Variants in SYT16 observed in about 807,000 individuals in gnomAD.
The protein encoded by SYT16 is synaptotagmin-16.
A neutral mutation model predicts 61.4 loss-of-function variants in SYT16; 42 were observed. The observed-to-expected ratio is 0.68, with a 90% CI of 0.53 to 0.89. The LOEUF is 0.89. Ranked by LOEUF, SYT16 falls within the 40% of genes least tolerant of loss-of-function variation. The probability of loss-of-function intolerance (pLI) is 0.00; values close to 1 mark genes in which losing one functional copy is unlikely to be tolerated. For synonymous variants in SYT16, 314 were observed against 302.3 expected (o/e 1.04, Z -0.40); for missense variants, 804 against 807.3 (o/e 1.00, Z 0.05).
At chr14:61,980,404 G>A (rs1260404743) in intron 2 of SYT16, among the ~76,000 whole-genome samples, 3 of 152,070 alleles carry the variant, frequency 2.0e-5, no homozygotes, top group East Asian at 1.9e-4. Flanking sequence ...ATATCTCATG[G>A]CAATGCATAG....
intron 3 of SYT16, among the ~76,000 whole-genome samples, chr14:62,055,239 A>G (rs926851368): frequency 3.9e-5 from 6 of 152,214 alleles, no homozygotes; most frequent in African/African-American, 1.4e-4. Context: ...GTAGGAAAAC[A>G]ACACAACTCT....
At chr14:61,932,601 G>A (rs569098712) in intron 1 of SYT16, among the ~76,000 whole-genome samples, 21 of 152,218 alleles carry the variant, frequency 1.4e-4, no homozygotes, top group Admixed American at 1.2e-3. Context: ...ACTTCCTACC[G>A]GTTCCTTCCG....
At chr14:61,895,505 A>G (rs2048294962) in intron 1 of SYT16, among the ~76,000 whole-genome samples, 1 of 152,224 alleles carries the variant, frequency 6.6e-6, no homozygotes, top group South Asian at 2.1e-4. Flanking sequence ...AAATGAATAT[A>G]AATACTTGTC....
chr14:61,935,474 C>G (rs1483417400), intron 1 of SYT16, among the ~76,000 whole-genome samples: 4 of 152,196 alleles, frequency 2.6e-5, no homozygotes, highest in South Asian at 2.1e-4. Flanking sequence ...TGGTACTGGC[C>G]TAGCCTGGCT....
At chr14:61,983,607 T>C (rs775125937) in intron 2 of SYT16, among the ~76,000 whole-genome samples, 1 of 152,106 alleles carries the variant, frequency 6.6e-6, no homozygotes, top group Non-Finnish European at 1.5e-5. Flanking sequence ...CTCACTGTGA[T>C]CTCAACTTAT....
intron 1 of SYT16, among the ~76,000 whole-genome samples, chr14:61,851,998 A>T (rs571014620): frequency 6.6e-6 from 1 of 152,280 alleles, no homozygotes; most frequent in Non-Finnish European, 1.5e-5. Context: ...CCTGAATTCA[A>T]TGCCTATATC....
intron 2 of SYT16, among the ~76,000 whole-genome samples, chr14:61,975,166 A>C (rs1359184407): frequency 6.6e-6 from 1 of 152,250 alleles, no homozygotes; most frequent in East Asian, 1.9e-4. Context: ...AAGACAAAAA[A>C]ATCATGTGTT....
chr14:61,960,388 T>C (rs2051068114), intron 1 of SYT16, among the ~76,000 whole-genome samples: 1 of 152,216 alleles, frequency 6.6e-6, no homozygotes, highest in Non-Finnish European at 1.5e-5. Context: ...GAGCAGTGTT[T>C]TGTAGTTCTC....
intron 3 of SYT16, among the ~76,000 whole-genome samples, chr14:62,028,256 T>C (rs1292832893): frequency 1.3e-5 from 2 of 152,224 alleles, no homozygotes; most frequent in East Asian, 3.8e-4. Flanking sequence ...CTAAGTTGTA[T>C]TGGACAGTGT....
chr14:62,112,591 G>A (rs2057626150), downstream of SYT16: 1 of 152,088 alleles, frequency 6.6e-6, no homozygotes, highest in Non-Finnish European at 1.5e-5. Context: ...AAAAGATACA[G>A]TTTTGCAGCA....
At chr14:61,912,520 T>C (rs1489430953) in intron 1 of SYT16, among the ~76,000 whole-genome samples, 1 of 152,172 alleles carries the variant, frequency 6.6e-6, no homozygotes, top group Non-Finnish European at 1.5e-5. Context: ...TATTGAATAA[T>C]GAACTACATT....
At position 62,046,678 on chromosome 14, in the gene SYT16, C is replaced by T. The variant is rs186917681; in HGVS notation, c.524-22925C>T. 1.1e-3 allele frequency among the ~76,000 whole-genome samples: 164 copies of T among 152,294 alleles called. 3 individuals are homozygous for T. In the East Asian group the frequency reaches 0.03, roughly 28 times the overall value. On this transcript the variant is annotated intron_variant, in intron 3 of 7. Transcript: ENST00000683842. ...GTTTCAGCTTTCTACATATGGTTAG[C>T]CAGTTTTCCCAGCACCATTTATTAA...
At chr14:62,095,414 A>G (rs975716015) in intron 7 of SYT16, among the ~76,000 whole-genome samples, 1 of 152,040 alleles carries the variant, frequency 6.6e-6, no homozygotes, top group Non-Finnish European at 1.5e-5. Context: ...CTATAAAGTA[A>G]TATTTCTTAT....
chr14:61,815,845 A>G (rs1295097503), intron 1 of SYT16, among the ~76,000 whole-genome samples: 1 of 152,180 alleles, frequency 6.6e-6, no homozygotes, highest in African/African-American at 2.4e-5. Context: ...GTGAAGCGCT[A>G]TTTTATTTTT....
At chr14:62,099,690 CA>C (rs1194776556) in intron 7 of SYT16, among the ~76,000 whole-genome samples, 2 of 152,050 alleles carry the variant, frequency 1.3e-5, no homozygotes, top group Non-Finnish European at 2.9e-5. Context: ...GATGCCTGGG[CA>C]ACATAGGGAG....
At chr14:62,099,313 A>G (rs1353026284) in intron 7 of SYT16, among the ~76,000 whole-genome samples, 1 of 152,216 alleles carries the variant, frequency 6.6e-6, no homozygotes, top group Non-Finnish European at 1.5e-5. Flanking sequence ...CACAGAGTTC[A>G]GAGGCACTGG....
chr14:62,078,151 CTCTCTATA>C (rs2056570088), intron 5 of SYT16, among the ~76,000 whole-genome samples: 1 of 106,364 alleles, frequency 9.4e-6, no homozygotes, highest in Non-Finnish European at 1.9e-5. Context: ...CTCTCTCTCT[CTCTCTATA>C]TATATATATA....
intron 1 of SYT16, among the ~76,000 whole-genome samples, chr14:61,903,612 T>TGGGCTTAATAAATATTAAGTAG (rs2048598702): frequency 1.3e-5 from 2 of 152,224 alleles, no homozygotes; most frequent in South Asian, 4.1e-4. Flanking sequence ...AGAACATGAC[T>TGGGCTTAATAAATATTAAGTAG]GGGCTTAATA....
intron 2 of SYT16, among the ~76,000 whole-genome samples, chr14:61,995,582 T>C (rs946471910): frequency 6.6e-6 from 1 of 152,128 alleles, no homozygotes; most frequent in Non-Finnish European, 1.5e-5. Flanking sequence ...TTAATGAAGA[T>C]TCATTTATCC....
Sources: allele counts gnomAD v4.1 joint callset (sites outside exome capture counted in the v4.1 genomes callset), GRCh38; gene constraint gnomAD v4.1.1; transcripts MANE v1.5; gene names NCBI Gene and HGNC (gene_info 2026-07-23, HGNC 2026-07-21).